The following ZMIZ1 variants were observed in gnomAD, a reference collection of about 807,000 sequenced individuals.
The protein encoded by ZMIZ1 is zinc finger MIZ-type containing 1, also known as zinc finger MIZ domain-containing protein 1.
In ZMIZ1, 17 loss-of-function variants were observed where a neutral mutation model predicts 113.9. The observed-to-expected ratio is 0.15, with a 90% CI of 0.10 to 0.22. The LOEUF is 0.22. Among genes scored for constraint, ZMIZ1 ranks in the 10% least tolerant of loss-of-function variants. ZMIZ1 has a pLI of 1.00. For synonymous variants in ZMIZ1, 607 were observed against 603.1 expected (o/e 1.01, Z -0.09); for missense variants, 1,059 against 1,477.8 (o/e 0.72, Z 4.65).
chr10:79,311,548 A>T (rs1402935193), intron 24 of ZMIZ1, among the ~76,000 whole-genome samples: 1 of 151,926 alleles, frequency 6.6e-6, no homozygotes, highest in South Asian at 2.1e-4. Flanking sequence ...CCGGGCAGGG[A>T]GGGCTGGAGG....
In ZMIZ1 at chr10:79,152,138, G is replaced by A. The variant is rs949291667; in HGVS notation, c.-130-9915G>A. 2.0e-5 allele frequency among the ~76,000 whole-genome samples: 3 copies of A among 152,200 alleles called. No individual in the cohort carries two copies. The East Asian group carries it at 5.8e-4, about 29-fold the overall frequency. Reference sequence around the variant, plus strand: ...CTTCTCTGAGCCAATTTCCCCCATTGAAGAGTGGATATTAGGCTGGCCAAG... The same window carrying A: ...CTTCTCTGAGCCAATTTCCCCCATTAAAGAGTGGATATTAGGCTGGCCAAG... On this transcript the variant is annotated intron_variant, in intron 3 of 24. Transcript: ENST00000334512.
intron 7 of ZMIZ1, among the ~76,000 whole-genome samples, chr10:79,255,797 A>C (rs545481580): frequency 1.3e-5 from 2 of 152,302 alleles, no homozygotes; most frequent in African/African-American, 2.4e-5. Context: ...TCGATTTAAC[A>C]AGCCTGCTGG....
chr10:79,211,827 T>C (rs1848537690), intron 6 of ZMIZ1, among the ~76,000 whole-genome samples: 1 of 152,154 alleles, frequency 6.6e-6, no homozygotes, highest in African/African-American at 2.4e-5. Flanking sequence ...GCCCTCTCCC[T>C]CCCGTGGGCT....
intron 7 of ZMIZ1, among the ~76,000 whole-genome samples, chr10:79,221,398 G>A (rs1265749159): frequency 6.6e-6 from 1 of 152,224 alleles, no homozygotes. Context: ...CTTTGTTCTG[G>A]CGCAGCCTTT....
intron 4 of ZMIZ1, among the ~76,000 whole-genome samples, chr10:79,183,827 TATC>T (rs916593779): frequency 3.3e-5 from 5 of 152,140 alleles, no homozygotes; most frequent in African/African-American, 9.7e-5. Context: ...GCTGTTATCC[TATC>T]ATCATCATCA....
chr10:79,178,700 C>G (rs561441849), intron 4 of ZMIZ1, among the ~76,000 whole-genome samples: 1 of 152,356 alleles, frequency 6.6e-6, no homozygotes, highest in Admixed American at 6.5e-5. Flanking sequence ...CCCCCACCCC[C>G]GCATGCTTCC....
At chr10:79,198,836 C>A (rs1350274618) in intron 4 of ZMIZ1, among the ~76,000 whole-genome samples, 1 of 152,002 alleles carries the variant, frequency 6.6e-6, no homozygotes, top group African/African-American at 2.4e-5. Context: ...GAGTTCGAGA[C>A]CAGCCTGGCC....
intron 23 of ZMIZ1, among the ~76,000 whole-genome samples, chr10:79,307,900 G>C (rs557870233): frequency 6.6e-6 from 1 of 152,134 alleles, no homozygotes; most frequent in East Asian, 1.9e-4. Flanking sequence ...TCTCCCACTT[G>C]CACAATCTTA....
At chr10:79,173,035 C>T (rs1846670672) in intron 4 of ZMIZ1, among the ~76,000 whole-genome samples, 1 of 152,160 alleles carries the variant, frequency 6.6e-6, no homozygotes, top group East Asian at 1.9e-4. Flanking sequence ...AATCTCAGTA[C>T]AATATGATTT....
At chr10:79,080,998 T>TA (rs968110666) in intron 1 of ZMIZ1, among the ~76,000 whole-genome samples, 9 of 152,258 alleles carry the variant, frequency 5.9e-5, no homozygotes, top group Non-Finnish European at 2.9e-5. Context: ...ATGCCTGTCA[T>TA]ACGGATGACT....
chr10:79,097,260 C>T (rs946772628), intron 1 of ZMIZ1, among the ~76,000 whole-genome samples: 8 of 152,208 alleles, frequency 5.3e-5, no homozygotes, highest in African/African-American at 1.4e-4. Flanking sequence ...TCCCACCGGC[C>T]ACCTCCATCT....
At chr10:79,306,459 G>T in intron 22 of ZMIZ1, 115 bp downstream of exon 22, 1 of 1,481,390 alleles carries the variant, frequency 6.8e-7, no homozygotes, top group Non-Finnish European at 9.0e-7. Context: ...TGAAGAGAGA[G>T]AAGTAACACA....
intron 7 of ZMIZ1, among the ~76,000 whole-genome samples, chr10:79,223,400 C>T (rs1375262078): frequency 6.6e-6 from 1 of 152,340 alleles, no homozygotes; most frequent in African/African-American, 2.4e-5. Flanking sequence ...TCCTGGACAC[C>T]GGCCCCCACC....
chr10:79,077,470 TG>T (rs1438331689), intron 1 of ZMIZ1, among the ~76,000 whole-genome samples: 1 of 46,636 alleles, frequency 2.1e-5, no homozygotes, highest in African/African-American at 8.5e-5. Flanking sequence ...TCACTAAGAG[TG>T]GGGGGTTCTG....
intron 13 of ZMIZ1, among the ~76,000 whole-genome samples, chr10:79,297,317 A>G (rs1218890025): frequency 6.6e-6 from 1 of 152,234 alleles, no homozygotes; most frequent in Non-Finnish European, 1.5e-5. Flanking sequence ...TTTGCCAAAA[A>G]TCATGCTAAT....
intron 11 of ZMIZ1, chr10:79,293,006 G>C (rs948421668): frequency 6.7e-6 from 3 of 447,158 alleles, no homozygotes; most frequent in Non-Finnish European, 1.3e-5. Flanking sequence ...AGTCTCACTC[G>C]GGCTCCTGCC....
chr10:79,070,245 G>A (rs1002730120), intron 1 of ZMIZ1, among the ~76,000 whole-genome samples: 1 of 152,000 alleles, frequency 6.6e-6, no homozygotes, highest in African/African-American at 2.4e-5. Flanking sequence ...TAGGGCGCGG[G>A]CAGCGGGCGC....
chr10:79,244,683 A>T (rs1479947959), intron 7 of ZMIZ1, among the ~76,000 whole-genome samples: 1 of 152,098 alleles, frequency 6.6e-6, no homozygotes, highest in Non-Finnish European at 1.5e-5. Context: ...GGTGGCATGG[A>T]GTTGGTGCCA....
At chr10:79,087,796 CA>C (rs1842863060) in intron 1 of ZMIZ1, among the ~76,000 whole-genome samples, 1 of 152,368 alleles carries the variant, frequency 6.6e-6, no homozygotes, top group East Asian at 1.9e-4. Context: ...AGGCATCCTG[CA>C]AACTCTGCCC....
Sources: allele counts gnomAD v4.1 joint callset (sites outside exome capture counted in the v4.1 genomes callset), GRCh38; gene constraint gnomAD v4.1.1; transcripts MANE v1.5; gene names NCBI Gene and HGNC (gene_info 2026-07-23, HGNC 2026-07-21).